Variants in DCC observed in about 807,000 individuals in gnomAD.
DCC encodes DCC netrin 1 receptor.
In DCC, 58 loss-of-function variants were observed where a neutral mutation model predicts 172.5. The ratio of observed to expected loss-of-function variants is 0.34; its 90% CI spans 0.27 to 0.42. The LOEUF (loss-of-function observed/expected upper bound fraction) is 0.42, where lower values mean the gene tolerates loss of function less well. DCC is among the 10% of genes least tolerant of loss of function. The pLI is 1.00. For missense variants in DCC, 1,740 were observed against 1,791.0 expected (o/e 0.97, Z 0.51); for synonymous variants, 709 against 644.5 (o/e 1.10, Z -1.52).
chr18:53,259,510 C>A (rs978524825), intron 12 of DCC, among the ~76,000 whole-genome samples: 1 of 152,142 alleles, frequency 6.6e-6, no homozygotes, highest in Middle Eastern at 3.2e-3. Context: ...GTTGAAAATT[C>A]TTTTCTTTAA....
intron 1 of DCC, among the ~76,000 whole-genome samples, chr18:52,495,663 A>G (rs1278352298): frequency 6.6e-6 from 1 of 152,138 alleles, no homozygotes; most frequent in Non-Finnish European, 1.5e-5. Context: ...TTTACAAAGT[A>G]AATCATCTTA....
At chr18:52,700,608 A>G (rs899110419) in intron 1 of DCC, among the ~76,000 whole-genome samples, 15 of 152,224 alleles carry the variant, frequency 9.9e-5, no homozygotes, top group African/African-American at 3.6e-4. Context: ...ATAGTTTTAT[A>G]GACATATTTT....
intron 27 of DCC, among the ~76,000 whole-genome samples, chr18:53,512,466 A>ACTT (rs1358685203): frequency 6.6e-6 from 1 of 151,096 alleles, no homozygotes; most frequent in Non-Finnish European, 1.5e-5. Flanking sequence ...ATGGAGAATG[A>ACTT]CTTTGACGAG....
intron 15 of DCC, among the ~76,000 whole-genome samples, chr18:53,367,110 A>T (rs996624980): frequency 2.6e-5 from 4 of 152,232 alleles, no homozygotes; most frequent in Admixed American, 1.3e-4. Flanking sequence ...GTATGTGAAG[A>T]TTCATCATTG....
At chr18:52,792,769 TATTCCATTCC>T (rs58380249) in intron 2 of DCC, among the ~76,000 whole-genome samples, 417 of 134,464 alleles carry the variant, frequency 3.1e-3, no homozygotes, top group African/African-American at 0.011. Context: ...TATTCCATTC[TATTCCATTCC>T]ATTCCATTCC....
At chr18:52,504,841 C>T (rs1193396482) in intron 1 of DCC, among the ~76,000 whole-genome samples, 1 of 152,044 alleles carries the variant, frequency 6.6e-6, no homozygotes, top group Non-Finnish European at 1.5e-5. Context: ...ACTTAAATCC[C>T]ACGCACTGTC....
chr18:52,896,643 C>T (rs1204915489), intron 2 of DCC, among the ~76,000 whole-genome samples: 1 of 152,160 alleles, frequency 6.6e-6, no homozygotes, highest in African/African-American at 2.4e-5. Context: ...TATAATATAG[C>T]TTGACTGGAG....
chr18:53,072,706 G>T (rs1244218458), intron 7 of DCC, among the ~76,000 whole-genome samples: 3 of 152,294 alleles, frequency 2.0e-5, no homozygotes, highest in East Asian at 3.9e-4. Flanking sequence ...ATCATAACAA[G>T]AATAAATGCT....
At position 52,504,857 on chromosome 18, in the gene DCC, C is replaced by T. The variant is rs2031172351; in HGVS notation, c.91+163979C>T. Among the ~76,000 whole-genome samples the T allele has an allele frequency of 1.3e-5, 2 of 152,204 alleles. 1 individual carries two copies. The highest frequency in any genetic ancestry group is 4.2e-4 in the South Asian group (2 of 4,814). On this transcript the variant is annotated intron_variant, in intron 1 of 28. Transcript: ENST00000442544. Reference sequence around the variant, plus strand: ...CTTAAATCCCACGCACTGTCTACAGCAATCCGACAATTCTGGTTTTGGAAA... The same window carrying T: ...CTTAAATCCCACGCACTGTCTACAGTAATCCGACAATTCTGGTTTTGGAAA...
At chr18:53,462,457 T>TGA (rs1174702769) in intron 24 of DCC, among the ~76,000 whole-genome samples, 21 of 151,434 alleles carry the variant, frequency 1.4e-4, no homozygotes, top group Admixed American at 4.6e-4. Flanking sequence ...TGATGATCTG[T>TGA]CACTGTCTCC....
At chr18:52,969,886 T>C (rs1446708085) in intron 5 of DCC, among the ~76,000 whole-genome samples, 4 of 152,082 alleles carry the variant, frequency 2.6e-5, no homozygotes, top group Non-Finnish European at 5.9e-5. Context: ...ATTCAATAAG[T>C]ATTTGTTGTA....
chr18:53,385,591 TTTG>T (rs1331484776), intron 15 of DCC, among the ~76,000 whole-genome samples: 1 of 152,186 alleles, frequency 6.6e-6, no homozygotes, highest in Non-Finnish European at 1.5e-5. Flanking sequence ...AGTGTTTAAA[TTTG>T]TTGTTCTGGA....
intron 1 of DCC, among the ~76,000 whole-genome samples, chr18:52,373,106 T>G (rs1458816392): frequency 6.6e-6 from 1 of 152,170 alleles, no homozygotes; most frequent in African/African-American, 2.4e-5. Context: ...TAAAAAAATG[T>G]AAACACATCC....
intron 1 of DCC, among the ~76,000 whole-genome samples, chr18:52,694,542 T>A (rs1490066621): frequency 6.6e-6 from 1 of 152,142 alleles, no homozygotes; most frequent in Non-Finnish European, 1.5e-5. Flanking sequence ...GACCCAGTGT[T>A]ATTCTTTCTA....
intron 1 of DCC, among the ~76,000 whole-genome samples, chr18:52,592,040 G>A (rs904185917): frequency 3.3e-5 from 5 of 152,094 alleles, no homozygotes; most frequent in African/African-American, 1.2e-4. Context: ...AAAAGAAATG[G>A]AAGTACCTTT....
chr18:53,480,016 A>T (rs778146946), intron 25 of DCC, among the ~76,000 whole-genome samples: 2 of 152,184 alleles, frequency 1.3e-5, no homozygotes, highest in South Asian at 4.1e-4. Flanking sequence ...AAGGAATTCC[A>T]TGGAACCAGA....
intron 8 of DCC, among the ~76,000 whole-genome samples, chr18:53,173,097 A>G (rs2055037774): frequency 1.3e-5 from 2 of 152,284 alleles, no homozygotes; most frequent in South Asian, 4.1e-4. Flanking sequence ...AACAAGGCAT[A>G]CAATTCTATT....
intron 1 of DCC, among the ~76,000 whole-genome samples, chr18:52,566,184 C>T (rs905265077): frequency 3.9e-5 from 6 of 151,900 alleles, no homozygotes; most frequent in South Asian, 2.1e-4. Context: ...ACTATGCAGC[C>T]GTAAAAAAAG....
At chr18:53,022,165 T>G (rs1038487192) in intron 5 of DCC, among the ~76,000 whole-genome samples, 4 of 152,174 alleles carry the variant, frequency 2.6e-5, no homozygotes, top group Non-Finnish European at 4.4e-5. Context: ...TAAATGCAAT[T>G]AAATATTCAG....
Sources: gnomAD v4.1 joint callset for allele counts (sites outside exome capture counted in the v4.1 genomes callset) on GRCh38, gnomAD v4.1.1 for gene constraint, MANE v1.5 for transcripts, NCBI Gene and HGNC (gene_info 2026-07-23, HGNC 2026-07-21) for gene names.